Variants in MYOM3 observed in about 807,000 individuals in gnomAD.
MYOM3 encodes myomesin-3.
In MYOM3, 155 loss-of-function variants were observed where a neutral mutation model predicts 191.7. The ratio of observed to expected loss-of-function variants is 0.81; its 90% CI spans 0.71 to 0.92. MYOM3 has a LOEUF of 0.92. Among genes scored for constraint, MYOM3 ranks in the 40% least tolerant of loss-of-function variants. The pLI is 0.00. For missense variants in MYOM3, 1,889 were observed against 1,890.6 expected (o/e 1.00, Z 0.02); for synonymous variants, 757 against 762.9 (o/e 0.99, Z 0.13).
intron 8 of MYOM3, among the ~76,000 whole-genome samples, 199 bp from the exon 9 acceptor site, chr1:24,095,189 A>C (rs1353745313): frequency 6.6e-6 from 1 of 152,206 alleles, no homozygotes; most frequent in Non-Finnish European, 1.5e-5. Context: ...TCCCAAGGCC[A>C]AGTCCGTTGG....
At position 24,071,186 on chromosome 1, in the gene MYOM3, T is replaced by TTCCAGCCAAAGCCGCACCTCCCCTCGC; in HGVS notation, c.3054_3080dup (p.Arg1019_Glu1027dup). ...CAGCGGCTGGAGATAACTTTTCTACTTCCAGCCAAAGCCGCACCTCCCCTC... is the reference window on the plus strand; with the variant it reads ...CAGCGGCTGGAGATAACTTTTCTACTTCCAGCCAAAGCCGCACCTCCCCTCGCTCCAGCCAAAGCCGCACCTCCCCTC... On this transcript the variant is annotated inframe_insertion, in exon 25 of 37. Transcript: ENST00000374434. 1 of 1,614,152 alleles carries TTCCAGCCAAAGCCGCACCTCCCCTCGC rather than the reference T, an allele frequency of 6.2e-7. No individual in the cohort carries two copies. The highest frequency in any genetic ancestry group is 8.5e-7 in the Non-Finnish European group (1 of 1,180,010).
At chr1:24,066,535 A>T (rs1643436841) in intron 28 of MYOM3, 1 of 438,082 alleles carries the variant, frequency 2.3e-6, no homozygotes, top group Admixed American at 3.9e-5. Flanking sequence ...TAGGCTTTGG[A>T]ATCAGATAGA....
chr1:24,089,585 C>T lies in MYOM3; in HGVS notation c.1567G>A (p.Glu523Lys). The change falls in exon 14 of 37, where the codon GAG (glutamate) becomes AAG (lysine). Residue 523 changes from glutamate (E) to lysine (K), a missense_variant. Glu to Lys is a moderately conservative substitution (Grantham distance 56). Transcript: ENST00000374434. The part of the protein sequence containing the change: ...REAYVVLAWE[E>K]PSPRDRAPLT... ...GGTGCTCTGTCCCGGGGGCTGGGCT[C>T]CTCCCAGGCCAGAACCACATAGGCC... is the stretch of plus-strand genomic sequence containing the variant. The T allele has an allele frequency of 1.3e-6, 2 of 1,596,430 alleles. No homozygotes were observed. Among genetic ancestry groups the T allele is most frequent in the Non-Finnish European group, 8.5e-7 (1 of 1,171,784 alleles).
chr1:24,063,136 A>AG lies in MYOM3; in HGVS notation c.3759dup (p.Trp1254LeufsTer12), dbSNP rs1282435904. 1 of 1,607,636 alleles carries AG rather than the reference A, an allele frequency of 6.2e-7. No homozygotes were observed. Among genetic ancestry groups the AG allele is most frequent in the South Asian group, 1.1e-5 (1 of 90,968 alleles). ...GCAAGGCGGACTTACTTGTGGAACC[A>AG]GGTGGTTTTCATGTACTCCACGTTG... On this transcript the variant is annotated frameshift_variant, in exon 32 of 37. Transcript: ENST00000374434. LOFTEE classifies it high-confidence loss of function. This position sits in a 1 kb window ranked among gnomAD's most constrained non-coding sequence, Gnocchi z 4.5.
chr1:24,096,423 G>C (rs542384029), intron 7 of MYOM3, among the ~76,000 whole-genome samples: 1 of 152,218 alleles, frequency 6.6e-6, no homozygotes, highest in African/African-American at 2.4e-5. Context: ...AGAGGGACAG[G>C]GATCTGGAAG....
At chr1:24,074,408 C>T in intron 22 of MYOM3, 139 bp from the exon 23 acceptor site, 1 of 628,064 alleles carries the variant, frequency 1.6e-6, no homozygotes, top group South Asian at 2.0e-5. Context: ...GAAGCACAGG[C>T]AGCTGCCTCC....
intron 35 of MYOM3, among the ~76,000 whole-genome samples, chr1:24,059,538 T>C (rs1370968969): frequency 6.6e-6 from 1 of 152,232 alleles, no homozygotes; most frequent in Non-Finnish European, 1.5e-5. Context: ...TCATTTGCTA[T>C]GATTGGTGGT....
chr1:24,103,130 C>A (rs1643952247), intron 5 of MYOM3, among the ~76,000 whole-genome samples: 1 of 152,242 alleles, frequency 6.6e-6, no homozygotes, highest in Non-Finnish European at 1.5e-5. Context: ...GTAGAAACAA[C>A]TCCCAAGAGG....
chr1:24,091,061 C>G, intron 11 of MYOM3, 65 bp from the exon 12 acceptor site: 1 of 1,542,778 alleles, frequency 6.5e-7, no homozygotes. Flanking sequence ...ATGTGAGCCT[C>G]TACAAGGGCC....
intron 35 of MYOM3, 68 bp downstream of exon 35, chr1:24,060,992 G>C: frequency 1.0e-5 from 16 of 1,584,316 alleles, no homozygotes; most frequent in Non-Finnish European, 1.4e-5. Flanking sequence ...CCCACCAAGA[G>C]GGTTGAGCTT....
chr1:24,089,594 C>A lies in MYOM3; in HGVS notation c.1558G>T (p.Ala520Ser), dbSNP rs776196190. Reference sequence around the variant, plus strand: ...TCCCGGGGGCTGGGCTCCTCCCAGGCCAGAACCACATAGGCCTCTCGGATC... The same window carrying A: ...TCCCGGGGGCTGGGCTCCTCCCAGGACAGAACCACATAGGCCTCTCGGATC... ...SEIREAYVVL[A>S]WEEPSPRDRA... Residue 520 changes from alanine to serine, a missense_variant, in exon 14 of 37, where the codon GCC becomes TCC. Transcript: ENST00000374434. 6.3e-6 allele frequency: 10 copies of A among 1,596,636 alleles called. No individual in the cohort carries two copies. The African/African-American group carries it at 1.1e-4, about 17-fold the overall frequency.
rs1473090609 is a variant in MYOM3, at chr1:24,067,091, G to A, written c.3356-3C>T. The A allele has an allele frequency of 1.3e-6, 2 of 1,570,454 alleles. No individual in the cohort carries two copies. The highest frequency in any genetic ancestry group is 1.4e-5 in the African/African-American group (1 of 73,842). On this transcript the variant is annotated splice_polypyrimidine_tract_variant and splice_region_variant and intron_variant, in intron 27 of 36. Transcript: ENST00000374434. ...CAACGGCCGCTCAAAATAGGGACCT[G>A]TGCGTGCAAAACAAATGTGCCCACT...
Position 24,106,004 on chromosome 1 carries a change from G to GAT in MYOM3, c.475_476insAT (p.Pro159HisfsTer16), listed in dbSNP as rs751637564. 1 of 1,614,036 alleles carries GAT rather than the reference G, an allele frequency of 6.2e-7. No individual in the cohort carries two copies. Among genetic ancestry groups the GAT allele is most frequent in the Non-Finnish European group, 8.5e-7 (1 of 1,180,008 alleles). On this transcript the variant is annotated frameshift_variant, in exon 5 of 37. Coordinates refer to ENST00000374434, the MANE Select transcript of MYOM3 (RefSeq NM_152372.4). LOFTEE classifies it high-confidence loss of function. ...CTCCCAGACGGCGTGGGAGCGAAGA[G>GAT]GGATCCAGAACCAGGGCCCGCGGCC... is the stretch of plus-strand genomic sequence containing the variant.
At chr1:24,107,369 C>T (rs1643993219) in intron 3 of MYOM3, 137 bp from the exon 4 acceptor site, 4 of 755,194 alleles carry the variant, frequency 5.3e-6, no homozygotes, top group Non-Finnish European at 8.2e-6. Flanking sequence ...TGCATCTTCC[C>T]TTGCCTCCAA....
At position 24,069,979 on chromosome 1, in the gene MYOM3, C is replaced by T. The variant is rs559561226; in HGVS notation, c.3150+1138G>A. 2.6e-5 allele frequency among the ~76,000 whole-genome samples: 4 copies of T among 152,206 alleles called. No individual in the cohort carries two copies. In the South Asian group the frequency reaches 8.3e-4, roughly 32 times the overall value. ...ATTCACAAATAATATGAGATTGAGTCATGAATTTGAATCTCTCATGAGGTT... is the reference window on the plus strand; with the variant it reads ...ATTCACAAATAATATGAGATTGAGTTATGAATTTGAATCTCTCATGAGGTT... On this transcript the variant is annotated intron_variant, in intron 25 of 36. Transcript: ENST00000374434.
intron 27 of MYOM3, 115 bp downstream of exon 27, chr1:24,067,855 C>T: frequency 2.1e-6 from 2 of 962,778 alleles, no homozygotes; most frequent in South Asian, 2.8e-5. Context: ...GACTGAATGA[C>T]AGTGGACCTC....
chr1:24,065,849 G>A (rs553404960), intron 29 of MYOM3, 42 bp downstream of exon 29: 23 of 1,466,668 alleles, frequency 1.6e-5, no homozygotes, highest in Non-Finnish European at 2.1e-5. Flanking sequence ...CTGGCTTGCA[G>A]CCAAAGGAGA....
At chr1:24,059,001 C>G (rs1557598868) in intron 35 of MYOM3, 22 bp from the exon 36 acceptor site, 1 of 1,594,434 alleles carries the variant, frequency 6.3e-7, no homozygotes, top group East Asian at 2.2e-5. Context: ...ATAAGAGACC[C>G]CAGCGATGAA....
rs1643761235 is a variant in MYOM3, at chr1:24,087,190, T to C, written c.1615-363A>G. Among the ~76,000 whole-genome samples, 1 of 152,156 alleles carries C rather than the reference T, an allele frequency of 6.6e-6. No individual in the cohort carries two copies. The highest frequency in any genetic ancestry group is 1.5e-5 in the Non-Finnish European group (1 of 68,034). Reference sequence around the variant, plus strand: ...TGAATGAACCCAGTTGGCTCACCCTTCAAAATTTACCCAGAAACCAGCCAT... The same window carrying C: ...TGAATGAACCCAGTTGGCTCACCCTCCAAAATTTACCCAGAAACCAGCCAT... On this transcript the variant is annotated intron_variant, in intron 14 of 36. Coordinates refer to ENST00000374434, the MANE Select transcript of MYOM3 (RefSeq NM_152372.4). This position sits in a 1 kb window ranked among gnomAD's most constrained non-coding sequence, Gnocchi z 4.5.
Sources: allele counts gnomAD v4.1 joint callset (sites outside exome capture counted in the v4.1 genomes callset), GRCh38; gene constraint gnomAD v4.1.1; non-coding constraint Gnocchi (gnomAD v3.1); transcripts MANE v1.5; gene names NCBI Gene and HGNC (gene_info 2026-07-23, HGNC 2026-07-21).